The following ACOXL variants were observed in gnomAD, a reference collection of about 807,000 sequenced individuals.
ACOXL encodes the protein acyl-CoA oxidase like.
Under a neutral mutation model 71.9 loss-of-function variants are expected in ACOXL, and 70 were observed. The ratio of observed to expected loss-of-function variants is 0.97; its 90% confidence interval spans 0.80 to 1.19. ACOXL has a LOEUF of 1.19. ACOXL is among the 50% of genes most tolerant of loss of function. The pLI, the probability that ACOXL is intolerant of heterozygous loss-of-function variation, is 0.00. For synonymous variants in ACOXL, 253 were observed against 281.6 expected (o/e 0.90, Z 1.02); for missense variants, 703 against 736.3 (o/e 0.95, Z 0.52).
intron 13 of ACOXL, among the ~76,000 whole-genome samples, chr2:110,988,417 G>A (rs1257308787): frequency 2.6e-5 from 4 of 152,072 alleles, no homozygotes; most frequent in African/African-American, 9.7e-5. Flanking sequence ...TCTAGCCTGG[G>A]CAACAGAGTG....
At chr2:110,963,725 G>A (rs1366946074) in intron 12 of ACOXL, 1 of 1,613,498 alleles carries the variant, frequency 6.2e-7, no homozygotes, top group Non-Finnish European at 8.5e-7. Flanking sequence ...TAAGATTCGG[G>A]AAATGTTTTC....
At chr2:111,073,694 A>G (rs2067453915) in intron 16 of ACOXL, among the ~76,000 whole-genome samples, 1 of 152,208 alleles carries the variant, frequency 6.6e-6, no homozygotes, top group Non-Finnish European at 1.5e-5. Flanking sequence ...AAATAAGATA[A>G]TTCCTCTGAC....
chr2:111,065,768 A>G (rs1477865027), intron 16 of ACOXL, among the ~76,000 whole-genome samples: 1 of 152,238 alleles, frequency 6.6e-6, no homozygotes, highest in Admixed American at 6.5e-5. Context: ...GACATTCAAC[A>G]TCATTAACCA....
intron 11 of ACOXL, among the ~76,000 whole-genome samples, chr2:110,912,417 ATACACAGGTCAACAGAAT>A (rs1322442225): frequency 2.0e-5 from 3 of 152,148 alleles, no homozygotes; most frequent in Non-Finnish European, 2.9e-5. Context: ...CATTGGATAG[ATACACAGGTCAACAGAAT>A]TAAATCAAGA....
intron 2 of ACOXL, among the ~76,000 whole-genome samples, chr2:110,771,404 C>T (rs755604712): frequency 3.9e-5 from 6 of 152,112 alleles, no homozygotes; most frequent in Non-Finnish European, 8.8e-5. Flanking sequence ...TTCCCTGGAC[C>T]CCCCTTTCAT....
At chr2:110,811,115 G>A (rs985782615) in intron 9 of ACOXL, among the ~76,000 whole-genome samples, 6 of 152,176 alleles carry the variant, frequency 3.9e-5, no homozygotes, top group Admixed American at 6.6e-5. Context: ...GATTTGGGGG[G>A]AACACAGCCA....
intron 16 of ACOXL, among the ~76,000 whole-genome samples, chr2:111,064,642 A>G (rs1403012946): frequency 2.0e-5 from 3 of 152,198 alleles, no homozygotes; most frequent in Non-Finnish European, 4.4e-5. Flanking sequence ...TTCGTTTCCC[A>G]AATATTTTTG....
intron 12 of ACOXL, among the ~76,000 whole-genome samples, chr2:110,943,246 GAAA>G (rs1558765745): frequency 9.0e-6 from 1 of 111,592 alleles, no homozygotes; most frequent in Admixed American, 9.5e-5. Flanking sequence ...GAAAGAGAAA[GAAA>G]AAGAAAAGAA....
intron 3 of ACOXL, among the ~76,000 whole-genome samples, chr2:110,792,756 G>A (rs980575780): frequency 1.3e-5 from 2 of 152,190 alleles, no homozygotes; most frequent in African/African-American, 2.4e-5. Flanking sequence ...CTATGATCAT[G>A]CCACTGTCCT....
intron 12 of ACOXL, among the ~76,000 whole-genome samples, chr2:110,942,781 G>A (rs549545808): frequency 7.9e-4 from 120 of 151,702 alleles, no homozygotes; most frequent in African/African-American, 2.8e-3. Context: ...TACTTGGGAG[G>A]CTGAGGCATA....
intron 12 of ACOXL, among the ~76,000 whole-genome samples, chr2:110,976,276 T>A (rs560454081): frequency 2.0e-5 from 3 of 152,350 alleles, no homozygotes; most frequent in African/African-American, 4.8e-5. Flanking sequence ...CTTGGATATC[T>A]TGTTCAACTT....
In ACOXL at chr2:110,814,995, C is replaced by T. The variant is rs78332858; in HGVS notation, c.753+9600C>T. On this transcript the variant is annotated intron_variant, in intron 9 of 17. Transcript: ENST00000439055. ...TTGGTTCTCATGTTGCTAATAAAGACATACCCGAGACTGGGTAATTTGTAA... is the reference window on the plus strand; with the variant it reads ...TTGGTTCTCATGTTGCTAATAAAGATATACCCGAGACTGGGTAATTTGTAA... 3.0e-3 allele frequency among the ~76,000 whole-genome samples: 452 copies of T among 152,220 alleles called. 1 individual carries two copies. Among genetic ancestry groups the T allele is most frequent in the Middle Eastern group, 6.8e-3 (2 of 294 alleles).
At chr2:110,794,021 AT>A (rs1684983560) in intron 4 of ACOXL, 54 bp from the exon 5 acceptor site, 1 of 1,569,094 alleles carries the variant, frequency 6.4e-7, no homozygotes, top group Admixed American at 1.7e-5. Flanking sequence ...AGGGGTCTGC[AT>A]TTGGAGCAAC....
At chr2:110,967,972 C>G in intron 12 of ACOXL, 1 of 928,780 alleles carries the variant, frequency 1.1e-6, no homozygotes, top group Non-Finnish European at 1.7e-6. Context: ...ATACAACACA[C>G]CCAAATATAG....
intron 1 of ACOXL, among the ~76,000 whole-genome samples, chr2:110,766,038 T>C (rs983493766): frequency 1.3e-5 from 2 of 152,336 alleles, no homozygotes; most frequent in African/African-American, 2.4e-5. Context: ...TCTGTTTTTT[T>C]CCCCATTTAT....
chr2:110,999,178 C>T (rs1406271262), intron 14 of ACOXL, among the ~76,000 whole-genome samples: 1 of 152,126 alleles, frequency 6.6e-6, no homozygotes, highest in African/African-American at 2.4e-5. Flanking sequence ...AGCTTCTCTC[C>T]TTGGTTTGTA....
intron 2 of ACOXL, 49 bp downstream of exon 2, chr2:110,768,513 TGAGAGA>T (rs1170772823): frequency 3.8e-4 from 354 of 926,624 alleles, no homozygotes; most frequent in African/African-American, 6.8e-4. Context: ...TGTGTGTGTG[TGAGAGA>T]GAGAGAGAGA....
intron 17 of ACOXL, chr2:111,093,418 G>C (rs936219187): frequency 1.2e-6 from 2 of 1,609,342 alleles, no homozygotes; most frequent in Admixed American, 3.3e-5. Flanking sequence ...AAATGCTACT[G>C]CAAAGAAAAA....
At chr2:110,734,872 A>AT (rs970104154) in intron 1 of ACOXL, among the ~76,000 whole-genome samples, 2 of 81,228 alleles carry the variant, frequency 2.5e-5, no homozygotes, top group African/African-American at 5.1e-5. Context: ...ATTGTCCTGG[A>AT]TTTTTTTTTC....
Sources: allele counts gnomAD v4.1 joint callset (sites outside exome capture counted in the v4.1 genomes callset), GRCh38; gene constraint gnomAD v4.1.1; transcripts MANE v1.5; gene names NCBI Gene and HGNC (gene_info 2026-07-23, HGNC 2026-07-21).